The following FOXP1 variants were observed in gnomAD, a reference collection of about 807,000 sequenced individuals.
FOXP1 encodes forkhead box P1, also known as forkhead box protein P1.
A neutral mutation model predicts 98.2 loss-of-function variants in FOXP1; 15 were observed. That is an observed-to-expected ratio of 0.15 (90% CI 0.10 to 0.24). FOXP1 has a LOEUF of 0.24. FOXP1 is among the 10% of genes least tolerant of loss of function. The probability of loss-of-function intolerance (pLI) is 1.00; values close to 1 mark genes in which losing one functional copy is unlikely to be tolerated. For missense variants in FOXP1, 633 were observed against 848.5 expected (o/e 0.75, Z 3.15); for synonymous variants, 371 against 314.5 (o/e 1.18, Z -1.90).
chr3:71,543,127 G>A (rs985618942), intron 2 of FOXP1, among the ~76,000 whole-genome samples: 7 of 152,086 alleles, frequency 4.6e-5, no homozygotes, highest in South Asian at 2.1e-4. Flanking sequence ...TCCCCGCTTC[G>A]GCTCTGTAAC....
At chr3:71,490,926 TA>T (rs2091015244) in intron 3 of FOXP1, among the ~76,000 whole-genome samples, 1 of 152,250 alleles carries the variant, frequency 6.6e-6, no homozygotes. Context: ...TTCAGAATTC[TA>T]ACCCCTTTGA....
At chr3:71,106,806 C>G (rs991393874) in intron 7 of FOXP1, among the ~76,000 whole-genome samples, 4 of 149,980 alleles carry the variant, frequency 2.7e-5, no homozygotes, top group African/African-American at 9.9e-5. Context: ...TAGGATCTTG[C>G]TCTGTTTCCC....
At chr3:71,165,247 TAAAAAA>T (rs34841115) in intron 6 of FOXP1, among the ~76,000 whole-genome samples, 1 of 136,538 alleles carries the variant, frequency 7.3e-6, no homozygotes, top group Admixed American at 7.3e-5. Flanking sequence ...TATTTTTTTG[TAAAAAA>T]AAAAAAAAAA....
At chr3:71,113,574 G>A (rs1040060817) in intron 6 of FOXP1, among the ~76,000 whole-genome samples, 1 of 152,138 alleles carries the variant, frequency 6.6e-6, no homozygotes, top group East Asian at 1.9e-4. Flanking sequence ...TTAGCTGGGT[G>A]TGGTGGCAGA....
At chr3:71,198,537 C>T in intron 5 of FOXP1, 145 bp from the exon 6 acceptor site, 1 of 737,286 alleles carries the variant, frequency 1.4e-6, no homozygotes, top group Admixed American at 2.2e-5. Context: ...TTTCACTCAA[C>T]TTATCCCCTC....
chr3:70,960,213 A>G (rs1367659104), intron 20 of FOXP1, among the ~76,000 whole-genome samples: 1 of 152,262 alleles, frequency 6.6e-6, no homozygotes, highest in Non-Finnish European at 1.5e-5. Context: ...ATAAGGCAAG[A>G]AAAGCCCTGC....
upstream of FOXP1, chr3:71,583,815 GCGGCGGCGGCAGAGGCGCGGGCAGCAC>G: frequency 1.0e-6 from 1 of 987,300 alleles, no homozygotes; most frequent in Non-Finnish European, 1.2e-6. Flanking sequence ...GGTGGCGGCG[GCGGCGGCGGCAGAGGCGCGGGCAGCAC>G]CGGCCCGGGG....
At chr3:71,207,692 A>G (rs1193144174) in intron 5 of FOXP1, among the ~76,000 whole-genome samples, 2 of 151,566 alleles carry the variant, frequency 1.3e-5, no homozygotes, top group Non-Finnish European at 2.9e-5. Context: ...AGCATACCTC[A>G]TATTGAAACA....
At chr3:70,962,958 T>C (rs559868045) in intron 20 of FOXP1, among the ~76,000 whole-genome samples, 1 of 152,356 alleles carries the variant, frequency 6.6e-6, no homozygotes, top group African/African-American at 2.4e-5. Flanking sequence ...ATATTTCGTT[T>C]ACCTAATTAT....
At chr3:71,513,231 A>G (rs1021903453) in intron 2 of FOXP1, among the ~76,000 whole-genome samples, 6 of 152,186 alleles carry the variant, frequency 3.9e-5, no homozygotes, top group Admixed American at 2.0e-4. Context: ...TTCAATCTCA[A>G]GCAGGCTCTG....
chr3:71,104,774 C>T (rs192133522), intron 7 of FOXP1, among the ~76,000 whole-genome samples: 23 of 152,280 alleles, frequency 1.5e-4, no homozygotes, highest in African/African-American at 4.6e-4. Flanking sequence ...CATTACCGGA[C>T]GCTGGAAACT....
chr3:71,302,244 A>T lies in FOXP1; in HGVS notation c.-72-2364T>A, dbSNP rs574098262. Among the ~76,000 whole-genome samples the T allele has an allele frequency of 7.6e-4, 116 of 152,306 alleles. 1 individual carries two copies. In the Middle Eastern group the frequency reaches 0.027, roughly 36 times the overall value. On this transcript the variant is annotated intron_variant, in intron 4 of 20. Transcript: ENST00000649528. Reference sequence around the variant, plus strand: ...TTTGCCATCATGCTAAAGTAAATGAAATGTGTCAATATAATAGACAAGAAA... The same window carrying T: ...TTTGCCATCATGCTAAAGTAAATGATATGTGTCAATATAATAGACAAGAAA...
At chr3:71,453,009 G>A (rs979516075) in intron 3 of FOXP1, among the ~76,000 whole-genome samples, 16 of 152,246 alleles carry the variant, frequency 1.1e-4, no homozygotes, top group African/African-American at 3.9e-4. Context: ...AATAAAGCCT[G>A]TGCTGCCTAG....
At chr3:71,368,895 T>A (rs1469076958) in intron 3 of FOXP1, among the ~76,000 whole-genome samples, 1 of 152,172 alleles carries the variant, frequency 6.6e-6, no homozygotes, top group African/African-American at 2.4e-5. Context: ...AGAAAACATA[T>A]ACCTTATTAT....
intron 3 of FOXP1, among the ~76,000 whole-genome samples, chr3:71,416,609 G>A (rs1196972788): frequency 3.4e-5 from 5 of 146,950 alleles, no homozygotes; most frequent in South Asian, 4.3e-4. Flanking sequence ...AAAAAATGAC[G>A]TATGGTCAGA....
chr3:71,292,390 AGT>A (rs2072850302), intron 5 of FOXP1: 2 of 152,220 alleles, frequency 1.3e-5, no homozygotes, highest in African/African-American at 4.8e-5. Flanking sequence ...GATGTAGAGC[AGT>A]GGCATGATCT....
intron 5 of FOXP1, among the ~76,000 whole-genome samples, chr3:71,280,951 T>G (rs1398914646): frequency 1.4e-5 from 2 of 144,784 alleles, no homozygotes; most frequent in Admixed American, 1.5e-4. Flanking sequence ...TTAGGTGTCA[T>G]GAAGATATAC....
intron 6 of FOXP1, among the ~76,000 whole-genome samples, chr3:71,180,212 A>C (rs76727422): frequency 0.013 from 2,004 of 152,238 alleles, 48 homozygotes; most frequent in African/African-American, 0.045. Flanking sequence ...TTCTTTAGAA[A>C]CTTCCTCAGC....
chr3:71,355,412 A>G (rs1376967936), intron 4 of FOXP1, among the ~76,000 whole-genome samples: 3 of 152,160 alleles, frequency 2.0e-5, no homozygotes. Context: ...GAAAAATAAT[A>G]AAGGGGCTGT....
Sources: gnomAD v4.1 joint callset for allele counts (sites outside exome capture counted in the v4.1 genomes callset) on GRCh38, gnomAD v4.1.1 for gene constraint, MANE v1.5 for transcripts, NCBI Gene and HGNC (gene_info 2026-07-23, HGNC 2026-07-21) for gene names.